The following FEZ2 variants were observed in gnomAD, a reference collection of about 807,000 sequenced individuals.
FEZ2 encodes fasciculation and elongation protein zeta-2.
Under a neutral mutation model 40.4 loss-of-function variants are expected in FEZ2, and 51 were observed. That is an observed-to-expected ratio of 1.26 (90% CI 1.01 to 1.59). The LOEUF is 1.59. Among genes scored for constraint, FEZ2 ranks in the 40% most tolerant of loss-of-function variants. FEZ2 has a pLI of 0.00. For missense variants in FEZ2, 640 were observed against 438.3 expected, an observed-to-expected ratio of 1.46 and a Z score of -4.11; for synonymous variants, 242 against 172.0, an observed-to-expected ratio of 1.41 and a Z score of -3.18.
At chr2:36,570,537 C>T (rs1485281178) in intron 5 of FEZ2, among the ~76,000 whole-genome samples, 1 of 152,152 alleles carries the variant, frequency 6.6e-6, no homozygotes, top group Admixed American at 6.5e-5. Flanking sequence ...AACATAAATA[C>T]TCTAAGTACA....
At chr2:36,588,389 T>A (rs1668968570) in intron 2 of FEZ2, among the ~76,000 whole-genome samples, 1 of 152,150 alleles carries the variant, frequency 6.6e-6, no homozygotes, top group Non-Finnish European at 1.5e-5. Flanking sequence ...ATCACTGCCT[T>A]GGCCATATCA....
At chr2:36,567,546 G>C (rs1336582892) in intron 5 of FEZ2, among the ~76,000 whole-genome samples, 8 of 152,116 alleles carry the variant, frequency 5.3e-5, no homozygotes, top group African/African-American at 1.9e-4. Context: ...TGGATCACCT[G>C]ACGTCAGGAG....
intron 5 of FEZ2, among the ~76,000 whole-genome samples, chr2:36,567,220 C>A (rs1403288687): frequency 6.6e-6 from 1 of 151,330 alleles, no homozygotes; most frequent in Non-Finnish European, 1.5e-5. Flanking sequence ...AGCCTATGAT[C>A]GTTTCACCAT....
chr2:36,586,469 T>C (rs1004558656), intron 2 of FEZ2, among the ~76,000 whole-genome samples: 1 of 151,800 alleles, frequency 6.6e-6, no homozygotes. Context: ...ACCCCATTGC[T>C]ACAAAAAATT....
chr2:36,554,706 C>G (rs1205865546), intron 7 of FEZ2, among the ~76,000 whole-genome samples: 1 of 152,208 alleles, frequency 6.6e-6, no homozygotes, highest in Non-Finnish European at 1.5e-5. Context: ...CGCATCAAGA[C>G]TCTTACAAGT....
intron 3 of FEZ2, among the ~76,000 whole-genome samples, chr2:36,582,605 G>A (rs567694509): frequency 6.6e-6 from 1 of 152,176 alleles, no homozygotes; most frequent in Non-Finnish European, 1.5e-5. Context: ...TTCTTCCCAC[G>A]CCTAGAACAA....
chr2:36,570,832 C>G (rs928148399), intron 5 of FEZ2, among the ~76,000 whole-genome samples: 1 of 152,186 alleles, frequency 6.6e-6, no homozygotes, highest in Non-Finnish European at 1.5e-5. Context: ...AATCCTGACT[C>G]CATCATCTAT....
chr2:36,581,964 A>T (rs551949922), intron 3 of FEZ2, among the ~76,000 whole-genome samples: 93 of 152,304 alleles, frequency 6.1e-4, no homozygotes, highest in African/African-American at 2.2e-3. Context: ...AATTTTATAT[A>T]TTAATTCAAC....
Position 36,582,508 on chromosome 2 carries a change from TTC to T in FEZ2, c.492+843_492+844del, listed in dbSNP as rs1244549443. 2.0e-5 allele frequency among the ~76,000 whole-genome samples: 3 copies of T among 152,196 alleles called. No homozygotes were observed. The East Asian group carries it at 5.8e-4, about 29-fold the overall frequency. On this transcript the variant is annotated intron_variant, in intron 3 of 7. Coordinates refer to ENST00000405912, the MANE Select transcript of FEZ2 (RefSeq NM_005102.3). ...GGCAGGTCAGTGAGGGGACAATGAATTCTCAAGGTCATGTCTATCCCTAGATT... is the reference window on the plus strand; with the variant it reads ...GGCAGGTCAGTGAGGGGACAATGAATTCAAGGTCATGTCTATCCCTAGATT...
At chr2:36,596,351 C>T (rs1309269125) in intron 1 of FEZ2, among the ~76,000 whole-genome samples, 1 of 152,242 alleles carries the variant, frequency 6.6e-6, no homozygotes, top group Admixed American at 6.5e-5. Flanking sequence ...GACAATCAGG[C>T]TGGAAACTCC....
intron 1 of FEZ2, among the ~76,000 whole-genome samples, chr2:36,596,420 T>C (rs1669224118): frequency 6.6e-6 from 1 of 152,080 alleles, no homozygotes; most frequent in African/African-American, 2.4e-5. Flanking sequence ...CCTCTAAGAG[T>C]CTCTCCATCC....
intron 5 of FEZ2, among the ~76,000 whole-genome samples, chr2:36,567,976 G>C (rs1668295747): frequency 6.6e-6 from 1 of 152,056 alleles, no homozygotes; most frequent in African/African-American, 2.4e-5. Flanking sequence ...AAGGCAAAAT[G>C]AATTTTAAAA....
chr2:36,581,622 A>T, intron 3 of FEZ2, 191 bp from the exon 4 acceptor site: 1 of 569,576 alleles, frequency 1.8e-6, no homozygotes, highest in Non-Finnish European at 3.2e-6. Context: ...ATCAAGAAAA[A>T]ATTACAATAT....
intron 4 of FEZ2, among the ~76,000 whole-genome samples, chr2:36,580,443 G>C (rs1045319824): frequency 2.6e-5 from 4 of 152,194 alleles, no homozygotes; most frequent in Non-Finnish European, 5.9e-5. Flanking sequence ...TCAAGGAAGG[G>C]ACCAGTCATA....
chr2:36,564,465 A>C (rs1200285943), intron 5 of FEZ2, among the ~76,000 whole-genome samples: 3 of 152,152 alleles, frequency 2.0e-5, no homozygotes, highest in African/African-American at 7.2e-5. Flanking sequence ...CAGAGTGAAC[A>C]CATCAGCCAA....
At chr2:36,583,098 C>A (rs1003595687) in intron 3 of FEZ2, among the ~76,000 whole-genome samples, 1 of 152,148 alleles carries the variant, frequency 6.6e-6, no homozygotes, top group African/African-American at 2.4e-5. Flanking sequence ...GGTTAAGCAA[C>A]AACCTTTCCT....
chr2:36,576,442 G>C (rs969967550), intron 5 of FEZ2, among the ~76,000 whole-genome samples: 1 of 152,050 alleles, frequency 6.6e-6, no homozygotes, highest in Non-Finnish European at 1.5e-5. Flanking sequence ...ACTAATTTTT[G>C]TATTTTTTAG....
At chr2:36,576,460 G>A (rs913981437) in intron 5 of FEZ2, among the ~76,000 whole-genome samples, 2 of 152,066 alleles carry the variant, frequency 1.3e-5, no homozygotes, top group Non-Finnish European at 2.9e-5. Flanking sequence ...TAGTAGAAAC[G>A]GAGTTTCACC....
At chr2:36,574,768 G>T (rs753116440) in intron 5 of FEZ2, among the ~76,000 whole-genome samples, 9 of 152,204 alleles carry the variant, frequency 5.9e-5, no homozygotes, top group Non-Finnish European at 1.2e-4. Context: ...AGAAATACAT[G>T]TAGGTCACCA....
Sources: allele counts gnomAD v4.1 joint callset (sites outside exome capture counted in the v4.1 genomes callset), GRCh38; gene constraint gnomAD v4.1.1; transcripts MANE v1.5; gene names NCBI Gene and HGNC (gene_info 2026-07-23, HGNC 2026-07-21).